NBEA: variants seen among roughly 807,000 people sequenced by gnomAD.
NBEA encodes lysosomal-trafficking regulator 2.
A neutral mutation model predicts 343.4 loss-of-function variants in NBEA; 44 were observed. The ratio of observed to expected loss-of-function variants is 0.13; its 90% CI spans 0.10 to 0.16. The LOEUF is 0.16. Among genes scored for constraint, NBEA ranks in the 10% least tolerant of loss-of-function variants. NBEA has a pLI of 1.00. For synonymous variants in NBEA, 1,175 were observed against 1,238.7 expected, an observed-to-expected ratio of 0.95 and a Z score of 1.08; for missense variants, 2,555 against 3,631.3, an observed-to-expected ratio of 0.70 and a Z score of 7.62.
intron 17 of NBEA, among the ~76,000 whole-genome samples, chr13:35,126,844 G>T (rs1232340365): frequency 4.0e-5 from 6 of 151,814 alleles, no homozygotes; most frequent in African/African-American, 1.5e-4. Context: ...CTTCAACCCG[G>T]GAGGTGGAGG....
At position 34,943,995 on chromosome 13, in the gene NBEA, A is replaced by G. The variant is rs184211524; in HGVS notation, c.294+881A>G. 2.6e-4 allele frequency among the ~76,000 whole-genome samples: 40 copies of G among 152,340 alleles called. No homozygotes were observed. In the East Asian group the frequency reaches 6.7e-3, roughly 26 times the overall value. On this transcript the variant is annotated intron_variant, in intron 1 of 58. Transcript: ENST00000379939. ...AGATGTCAGGGAAAGAAATGGAAAG[A>G]AGGAGAGGAGAATCATACATTGAGG...
At chr13:35,199,850 A>G (rs146588401) in intron 31 of NBEA, among the ~76,000 whole-genome samples, 19 of 152,222 alleles carry the variant, frequency 1.2e-4, no homozygotes, top group African/African-American at 4.3e-4. Context: ...TATTACATAA[A>G]TGTTCTGTAC....
At chr13:35,250,322 C>T (rs2031803109) in intron 34 of NBEA, among the ~76,000 whole-genome samples, 1 of 151,938 alleles carries the variant, frequency 6.6e-6, no homozygotes, top group African/African-American at 2.4e-5. Flanking sequence ...AAAGAAACTC[C>T]TACCAATGAA....
At chr13:34,985,404 G>T (rs1235608533) in intron 1 of NBEA, among the ~76,000 whole-genome samples, 1 of 150,972 alleles carries the variant, frequency 6.6e-6, no homozygotes, top group Non-Finnish European at 1.5e-5. Flanking sequence ...TGATTGTGCT[G>T]AATAAGCTTT....
chr13:35,478,560 T>C (rs2075984295), intron 41 of NBEA, among the ~76,000 whole-genome samples: 1 of 152,208 alleles, frequency 6.6e-6, no homozygotes, highest in South Asian at 2.1e-4. Context: ...CCCTCTTACT[T>C]TCCTCTCTGG....
At chr13:35,023,645 T>C (rs1226008023) in intron 1 of NBEA, among the ~76,000 whole-genome samples, 1 of 152,110 alleles carries the variant, frequency 6.6e-6, no homozygotes, top group Admixed American at 6.6e-5. Flanking sequence ...TATGTAAATA[T>C]AGTTACCTAT....
intron 27 of NBEA, among the ~76,000 whole-genome samples, chr13:35,176,751 C>G (rs1042831184): frequency 6.6e-5 from 10 of 152,004 alleles, no homozygotes; most frequent in East Asian, 1.9e-4. Flanking sequence ...TCTGCTATAA[C>G]TTTACCTGCC....
At chr13:35,043,977 A>G (rs1298391187) in intron 2 of NBEA, among the ~76,000 whole-genome samples, 1 of 152,120 alleles carries the variant, frequency 6.6e-6, no homozygotes, top group Admixed American at 6.6e-5. Context: ...GAAATTGAGA[A>G]AACGAAGTAT....
At position 35,235,860 on chromosome 13, in the gene NBEA, T is replaced by C. The variant is rs1310288748; in HGVS notation, c.5776+3241T>C. Among the ~76,000 whole-genome samples, 7 of 152,286 alleles carry C rather than the reference T, an allele frequency of 4.6e-5. No homozygotes were observed. The East Asian group carries it at 1.4e-3, about 29-fold the overall frequency. On this transcript the variant is annotated intron_variant, in intron 34 of 58. Transcript: ENST00000379939. ...AAGAACATGCCTTCATTGTTATCAG[T>C]GCATCCAGGTGAACCTGGATTTTTT... is the stretch of plus-strand genomic sequence containing the variant.
At chr13:35,471,857 G>T (rs901042228) in intron 40 of NBEA, among the ~76,000 whole-genome samples, 1 of 151,126 alleles carries the variant, frequency 6.6e-6, no homozygotes, top group African/African-American at 2.4e-5. Context: ...TGTGTGTGTA[G>T]CGCGCCTTAG....
intron 41 of NBEA, among the ~76,000 whole-genome samples, chr13:35,540,222 A>C (rs1294145174): frequency 2.0e-5 from 3 of 152,032 alleles, no homozygotes; most frequent in Non-Finnish European, 4.4e-5. Flanking sequence ...CAGAAATCCA[A>C]ATGATCTGAA....
At chr13:35,128,096 G>A (rs1332770243) in intron 17 of NBEA, among the ~76,000 whole-genome samples, 1 of 107,646 alleles carries the variant, frequency 9.3e-6, no homozygotes, top group Admixed American at 1.3e-4. Context: ...GGGGTGGGGG[G>A]AGGGGGGAGG....
chr13:35,011,846 C>CT (rs1245735275), intron 1 of NBEA, among the ~76,000 whole-genome samples: 10 of 152,128 alleles, frequency 6.6e-5, no homozygotes, highest in African/African-American at 2.4e-4. Flanking sequence ...AAGGAAATAA[C>CT]TAAATTTTAT....
rs2077204139 is a variant in NBEA, at chr13:35,509,717, G to GA, written c.6585+37187dup. ...TAAAGAATAGATAGAGAGTTAGTGG[G>GA]AAAAAATTAGGAGAGTGGTAGTGGA... On this transcript the variant is annotated intron_variant, in intron 41 of 58. Transcript: ENST00000379939. 2.6e-5 allele frequency among the ~76,000 whole-genome samples: 4 copies of GA among 152,108 alleles called. No individual in the cohort carries two copies. In the South Asian group the frequency reaches 8.3e-4, roughly 32 times the overall value.
chr13:35,422,163 T>G (rs1389936280), intron 38 of NBEA, among the ~76,000 whole-genome samples: 1 of 151,744 alleles, frequency 6.6e-6, no homozygotes, highest in Non-Finnish European at 1.5e-5. Flanking sequence ...TTATTATTAT[T>G]ATACTTTCAG....
At chr13:35,065,167 G>A (rs1465608670) in intron 8 of NBEA, among the ~76,000 whole-genome samples, 2 of 151,822 alleles carry the variant, frequency 1.3e-5, no homozygotes, top group African/African-American at 4.8e-5. Context: ...TATTTCTTGA[G>A]AAATGCATTT....
chr13:35,271,602 T>C (rs9543839), intron 34 of NBEA, among the ~76,000 whole-genome samples: 126,800 of 152,108 alleles, frequency 0.83, 53,058 homozygotes, highest in South Asian at 0.94. Flanking sequence ...AAGCTAAAAA[T>C]CTTGAAAAAA....
intron 5 of NBEA, 66 bp downstream of exon 5, chr13:35,048,750 T>G: frequency 1.1e-6 from 1 of 882,938 alleles, no homozygotes; most frequent in Non-Finnish European, 1.7e-6. Context: ...ATGTATAGTC[T>G]CAAGGCAACT....
intron 33 of NBEA, among the ~76,000 whole-genome samples, chr13:35,219,514 G>A (rs889190726): frequency 2.6e-5 from 4 of 152,092 alleles, no homozygotes; most frequent in African/African-American, 4.8e-5. Context: ...TAGAGAAACA[G>A]ATTAAATAGG....
Sources: allele counts gnomAD v4.1 joint callset (sites outside exome capture counted in the v4.1 genomes callset), GRCh38; gene constraint gnomAD v4.1.1; transcripts MANE v1.5; gene names NCBI Gene and HGNC (gene_info 2026-07-23, HGNC 2026-07-21).